Variants in FSHR observed in about 807,000 individuals in gnomAD.
The protein encoded by FSHR is follicle stimulating hormone receptor, also known as follicle-stimulating hormone receptor.
A neutral mutation model predicts 52.1 loss-of-function variants in FSHR; 46 were observed. That is an observed-to-expected ratio of 0.88 (90% CI 0.70 to 1.13). The LOEUF (loss-of-function observed/expected upper bound fraction) is 1.13, where lower values mean the gene tolerates loss of function less well. Among genes scored for constraint, FSHR ranks in the 50% most tolerant of loss-of-function variants. The pLI, the probability that FSHR is intolerant of heterozygous loss-of-function variation, is 0.00. For synonymous variants in FSHR, 399 were observed against 309.6 expected (o/e 1.29, Z -3.03); for missense variants, 964 against 834.6 (o/e 1.16, Z -1.91).
intron 6 of FSHR, among the ~76,000 whole-genome samples, chr2:48,985,532 A>C (rs1359855331): frequency 1.3e-5 from 2 of 152,082 alleles, no homozygotes; most frequent in East Asian, 3.9e-4. Context: ...CGGGTGCAGA[A>C]GGGCTCAGAA....
intron 4 of FSHR, among the ~76,000 whole-genome samples, chr2:49,014,454 A>C (rs902169334): frequency 8.6e-5 from 13 of 152,006 alleles, no homozygotes; most frequent in African/African-American, 3.1e-4. Flanking sequence ...TTCAGAGGCA[A>C]AGGCATAGCT....
intron 1 of FSHR, among the ~76,000 whole-genome samples, chr2:49,093,982 A>G (rs1464955954): frequency 2.6e-5 from 4 of 152,192 alleles, no homozygotes; most frequent in African/African-American, 9.7e-5. Context: ...GTGTCTTCAG[A>G]TCATTTACAC....
At chr2:49,089,023 C>G (rs1363347611) in intron 1 of FSHR, among the ~76,000 whole-genome samples, 1 of 151,752 alleles carries the variant, frequency 6.6e-6, no homozygotes, top group Non-Finnish European at 1.5e-5. Context: ...ATGCATAAAA[C>G]TATAATAGAT....
At chr2:49,080,429 CA>C (rs1670126493) in intron 1 of FSHR, among the ~76,000 whole-genome samples, 1 of 152,108 alleles carries the variant, frequency 6.6e-6, no homozygotes, top group Non-Finnish European at 1.5e-5. Context: ...AAACTGGAAA[CA>C]ACTTAAGTAC....
intron 4 of FSHR, among the ~76,000 whole-genome samples, chr2:49,013,039 C>A (rs866037094): frequency 6.6e-6 from 1 of 151,754 alleles, no homozygotes; most frequent in Non-Finnish European, 1.5e-5. Context: ...GATAAGACAC[C>A]AGAAACTCAT....
At chr2:49,109,648 G>T (rs535232138) in intron 1 of FSHR, among the ~76,000 whole-genome samples, 2 of 152,168 alleles carry the variant, frequency 1.3e-5, no homozygotes, top group African/African-American at 4.8e-5. Flanking sequence ...AAATAAAGAG[G>T]CAGCCACCTG....
chr2:49,060,923 C>G (rs1349977331), intron 2 of FSHR, among the ~76,000 whole-genome samples: 1 of 152,138 alleles, frequency 6.6e-6, no homozygotes, highest in African/African-American at 2.4e-5. Flanking sequence ...ATTCCAGGGT[C>G]TATGGTCACT....
At chr2:48,973,228 G>A (rs549506260) in intron 8 of FSHR, among the ~76,000 whole-genome samples, 12 of 151,286 alleles carry the variant, frequency 7.9e-5, no homozygotes, top group Admixed American at 4.6e-4. Context: ...ATGAGAACCC[G>A]TATGGACAGA....
intron 8 of FSHR, among the ~76,000 whole-genome samples, chr2:48,978,154 A>AG (rs893965788): frequency 6.6e-6 from 1 of 152,302 alleles, no homozygotes; most frequent in African/African-American, 2.4e-5. Context: ...CATGGGTAGG[A>AG]GGGTAGTAAG....
Position 49,127,842 on chromosome 2 carries a change from TTC to T in FSHR, c.152+26422_152+26423del, listed in dbSNP as rs1558456779. Among the ~76,000 whole-genome samples the T allele has an allele frequency of 4.6e-4, 8 of 17,228 alleles. 1 individual carries two copies. Among genetic ancestry groups the T allele is most frequent in the African/African-American group, 3.7e-3 (8 of 2,156 alleles). The allele number at this position is 17,228 out of a possible 152,430, so 11.3% of individuals were successfully genotyped here. A position where few individuals can be genotyped will look rare whatever the true frequency, so the allele number is the denominator to read the frequency against. On this transcript the variant is annotated intron_variant, in intron 1 of 9. Transcript: ENST00000406846. ...CTTCTTCTTCTTCCTCTTCTTCTTC[TTC>T]TTCTTCTTCTTCTTCTTCTTCTTCT... is the stretch of plus-strand genomic sequence containing the variant.
intron 2 of FSHR, among the ~76,000 whole-genome samples, chr2:49,037,905 G>A (rs1481083111): frequency 6.6e-6 from 1 of 152,078 alleles, no homozygotes; most frequent in Non-Finnish European, 1.5e-5. Context: ...AGGAAAGGCT[G>A]CCTCAGTTTA....
chr2:49,113,468 G>C (rs1415153613), intron 1 of FSHR, among the ~76,000 whole-genome samples: 1 of 152,190 alleles, frequency 6.6e-6, no homozygotes, highest in African/African-American at 2.4e-5. Context: ...TATGTTCTAG[G>C]AAGCTGTGCA....
rs70946840 is a variant in FSHR at position 48,989,273 on chromosome 2, CTT to C, written c.447-221_447-220del. 0.019 allele frequency among the ~76,000 whole-genome samples: 2,241 copies of C among 120,734 alleles called. 66 individuals carry two copies. The highest frequency in any genetic ancestry group is 0.076 in the African/African-American group (2,072 of 27,410). The allele number at this position is 120,734 out of a possible 152,430, so 79.2% of individuals were successfully genotyped here. The stretch of plus-strand genomic sequence containing the variant: ...AAATGGAATTGCAGACATTCAGTGT[CTT>C]TTTTTTTTTTTTTTTTTTTTTTTAA... On this transcript the variant is annotated intron_variant, in intron 5 of 9. Transcript: ENST00000406846.
chr2:48,971,801 A>G (rs1350572984), intron 8 of FSHR, among the ~76,000 whole-genome samples: 1 of 152,150 alleles, frequency 6.6e-6, no homozygotes, highest in Non-Finnish European at 1.5e-5. Context: ...TATACATTTT[A>G]TGCCTTCCTG....
rs778257700 is a variant in FSHR, at chr2:48,963,029, T to C, written c.1792A>G (p.Lys598Glu). ...ISFFAISASLKVPLITVSKAK... is the reference protein window; with the variant it reads ...ISFFAISASLEVPLITVSKAK... ...TTGGACACAGTGATGAGGGGCACCT[T>C]GAGGGAGGCAGAAATGGCAAAGAAA... The change falls in exon 10 of 10, where the codon AAG becomes GAG. Residue 598 changes from lysine (K) to glutamate (E), a missense_variant. Coordinates refer to ENST00000406846, the MANE Select transcript of FSHR (RefSeq NM_000145.4). 3.7e-6 allele frequency: 6 copies of C among 1,613,908 alleles called. No homozygotes were observed. Among genetic ancestry groups the C allele is most frequent in the Non-Finnish European group, 5.1e-6 (6 of 1,179,964 alleles).
chr2:48,978,961 G>C (rs541065416), intron 8 of FSHR, among the ~76,000 whole-genome samples: 1 of 152,196 alleles, frequency 6.6e-6, no homozygotes, highest in Non-Finnish European at 1.5e-5. Flanking sequence ...GCCAGTGAGG[G>C]AGGAAGATTC....
At position 48,963,985 on chromosome 2, in the gene FSHR, A is replaced by G. The variant is rs1674359965; in HGVS notation, c.855-19T>C. The stretch of plus-strand genomic sequence containing the variant: ...CTCAGAGCTAGAAAAATACAAAAAG[A>G]AATAGAATCAACATCTCAGATCCAG... On this transcript the variant is annotated intron_variant, in intron 9 of 9. Transcript: ENST00000406846. The G allele has an allele frequency of 4.4e-6, 7 of 1,607,158 alleles. No individual in the cohort carries two copies. Among genetic ancestry groups the G allele is most frequent in the Non-Finnish European group, 5.9e-6 (7 of 1,178,012 alleles).
chr2:48,999,513 TTA>T (rs1316491303), intron 4 of FSHR, among the ~76,000 whole-genome samples: 1 of 152,122 alleles, frequency 6.6e-6, no homozygotes, highest in African/African-American at 2.4e-5. Flanking sequence ...ATGTGGTTCC[TTA>T]TCTCTGCAAC....
intron 1 of FSHR, among the ~76,000 whole-genome samples, chr2:49,118,609 G>T (rs1290822674): frequency 2.0e-5 from 3 of 152,186 alleles, no homozygotes; most frequent in Non-Finnish European, 4.4e-5. Flanking sequence ...AGGCTGATAA[G>T]ACCCTGAAAA....
Sources: gnomAD v4.1 joint callset for allele counts (sites outside exome capture counted in the v4.1 genomes callset) on GRCh38, gnomAD v4.1.1 for gene constraint, MANE v1.5 for transcripts, NCBI Gene and HGNC (gene_info 2026-07-23, HGNC 2026-07-21) for gene names.